MAX: variants seen among roughly 807,000 people sequenced by gnomAD.
MAX encodes MYC associated transcriptional regulator X.
MAX carries 3 observed loss-of-function variants against 22.3 expected under a neutral mutation model. The observed-to-expected ratio is 0.13, with a 90% CI of 0.06 to 0.35. The LOEUF is 0.35. MAX is among the 10% of genes least tolerant of loss of function. MAX has a pLI of 1.00. For missense variants in MAX, 119 were observed against 209.4 expected, an observed-to-expected ratio of 0.57 and a Z score of 2.66; for synonymous variants, 72 against 77.7, an observed-to-expected ratio of 0.93 and a Z score of 0.39.
intron 1 of MAX, among the ~76,000 whole-genome samples, 190 bp downstream of exon 1, chr14:65,102,114 C>T (rs911004344): frequency 2.6e-5 from 4 of 152,144 alleles, no homozygotes; most frequent in Non-Finnish European, 5.9e-5. Context: ...ACCTCCAGTC[C>T]CAGGAGGCCG....
chr14:65,044,189 G>C lies in MAX; in HGVS notation c.172-37905C>G, dbSNP rs1216375675. 2 of 1,537,810 alleles carry C rather than the reference G, an allele frequency of 1.3e-6. No individual in the cohort carries two copies. Among genetic ancestry groups the C allele is most frequent in the Non-Finnish European group, 1.8e-6 (2 of 1,129,386 alleles). On this transcript the variant is annotated intron_variant, in intron 3 of 3. Coordinates refer to the MAX transcript ENST00000341653. This position sits in a 1 kb window ranked among gnomAD's most constrained non-coding sequence, Gnocchi z 5.5. ...AAAGAAAACCAGAGCACCAAAACTA[G>C]AGTGCCAAGAAGCCACAAGATGGGA...
In MAX at chr14:65,040,271, ATATATATGTGTG is replaced by A. The variant is rs1253330203; in HGVS notation, c.172-33999_172-33988del. Among the ~76,000 whole-genome samples the A allele has an allele frequency of 7.3e-4, 108 of 148,636 alleles. 4 individuals are homozygous for A. In the South Asian group the frequency reaches 0.019, roughly 26 times the overall value. On this transcript the variant is annotated intron_variant, in intron 3 of 3. Transcript: ENST00000341653. ...ACTATATATATATGTATATATATGT[ATATATATGTGTG>A]TATATATATATATGTATATATATGT...
Position 65,102,512 on chromosome 14 carries a change from C to G in MAX, c.-173G>C, listed in dbSNP as rs1373866589. On this transcript the variant is annotated 5_prime_UTR_variant, in exon 1 of 5. Coordinates refer to ENST00000358664, the MANE Select transcript of MAX (RefSeq NM_002382.5). The stretch of plus-strand genomic sequence containing the variant: ...ACACAACACGGGCAAGAACCACCTC[C>G]TCACTGCAGCACCGGATCAACGGCG... The G allele has an allele frequency of 4.7e-6, 7 of 1,478,058 alleles. No individual in the cohort carries two copies. The South Asian group carries it at 6.8e-5, about 14-fold the overall frequency. The allele number at this position is 1,478,058 out of a possible 1,614,324, so 91.6% of individuals were successfully genotyped here.
At position 65,091,728 on chromosome 14, in the gene MAX, T is replaced by C. The variant is rs567553998; in HGVS notation, c.171+1980A>G. The stretch of plus-strand genomic sequence containing the variant: ...AATGTCACCTTGCCAGCAACACTCT[T>C]CTTCTCTGCCATAATTAAAATTGCA... On this transcript the variant is annotated intron_variant, in intron 3 of 4. Coordinates refer to ENST00000358664, the MANE Select transcript of MAX (RefSeq NM_002382.5). 94 of 152,416 alleles carry C rather than the reference T, an allele frequency of 6.2e-4. 1 individual carries two copies. Among genetic ancestry groups the C allele is most frequent in the African/African-American group, 2.2e-3 (92 of 41,590 alleles). The allele number at this position is 152,416 out of a possible 1,614,324, so 9.4% of individuals were successfully genotyped here.
intron 3 of MAX, among the ~76,000 whole-genome samples, chr14:65,035,482 T>C (rs776470020): frequency 2.0e-5 from 3 of 152,210 alleles, no homozygotes; most frequent in Non-Finnish European, 4.4e-5. Context: ...ATCCCAGTTT[T>C]GCCCTTTCTT....
In MAX at chr14:65,093,836, A is replaced by G. The variant is rs371646307; in HGVS notation, c.64-21T>C. 15 of 1,337,596 alleles carry G rather than the reference A, an allele frequency of 1.1e-5. No individual in the cohort carries two copies. Among genetic ancestry groups the G allele is most frequent in the Non-Finnish European group, 1.6e-5 (15 of 927,608 alleles). The allele number at this position is 1,337,596 out of a possible 1,614,324, so 82.9% of individuals were successfully genotyped here. A position where few individuals can be genotyped will look rare whatever the true frequency, so the allele number is the denominator to read the frequency against. On this transcript the variant is annotated intron_variant, in intron 2 of 4. Transcript: ENST00000358664. The surrounding 1 kb of genome is among the most constrained non-coding windows in gnomAD (Gnocchi z 4.4). ...TCAGCCTAGAAGAATGGGAGAAAGA[A>G]CACATTAGGAATGTCACTCCTTTTG...
rs1315093100 is a variant in MAX, at chr14:65,078,079, C to T, written c.172-43G>A. 6.2e-7 allele frequency: 1 copy of T among 1,613,784 alleles called. No homozygotes were observed. The highest frequency in any genetic ancestry group is 2.2e-5 in the East Asian group (1 of 44,894). Reference sequence around the variant, plus strand: ...AAAGCACAGGGGACAAAATAAAAACCCAATCCAGGCAGTGAGGGAACCTGG... The same window carrying T: ...AAAGCACAGGGGACAAAATAAAAACTCAATCCAGGCAGTGAGGGAACCTGG... On this transcript the variant is annotated intron_variant, in intron 3 of 4. Transcript: ENST00000358664. This position sits in a 1 kb window ranked among gnomAD's most constrained non-coding sequence, Gnocchi z 6.4.
At position 65,075,459 on chromosome 14, in the gene MAX, G is replaced by C. The variant is rs375343995; in HGVS notation, c.*1017C>G. 1 of 1,064,130 alleles carries C rather than the reference G, an allele frequency of 9.4e-7. No homozygotes were observed. The highest frequency in any genetic ancestry group is 1.1e-6 in the Non-Finnish European group (1 of 878,274). The allele number at this position is 1,064,130 out of a possible 1,614,324, so 65.9% of individuals were successfully genotyped here. Reference sequence around the variant, plus strand: ...CTGGGAAGGGTCCGCACTGGGGTGCGGGTTTAGTACCAGGTAAATTGCTCT... The same window carrying C: ...CTGGGAAGGGTCCGCACTGGGGTGCCGGTTTAGTACCAGGTAAATTGCTCT... On this transcript the variant is annotated 3_prime_UTR_variant, in exon 5 of 5. Transcript: ENST00000358664. The surrounding 1 kb of genome is among the most constrained non-coding windows in gnomAD (Gnocchi z 4.1).
rs189142573 is a variant in MAX at position 65,044,594 on chromosome 14, G to A, written c.172-38310C>T. The A allele has an allele frequency of 2.1e-5, 23 of 1,107,362 alleles. No individual in the cohort carries two copies. In the African/African-American group the frequency reaches 2.9e-4, roughly 14 times the overall value. The allele number at this position is 1,107,362 out of a possible 1,614,324, so 68.6% of individuals were successfully genotyped here. A position where few individuals can be genotyped will look rare whatever the true frequency, so the allele number is the denominator to read the frequency against. ...CCAGTGTGGAACCTCATGCCGTGGG[G>A]CATGCGAATGCAGAGTAAGATTTAG... is the stretch of plus-strand genomic sequence containing the variant. On this transcript the variant is annotated intron_variant, in intron 3 of 3. Coordinates refer to the MAX transcript ENST00000341653. This position sits in a 1 kb window ranked among gnomAD's most constrained non-coding sequence, Gnocchi z 5.5.
At chr14:65,083,989 G>A (rs2063260810) in intron 3 of MAX, 7 of 1,467,194 alleles carry the variant, frequency 4.8e-6, no homozygotes, top group Admixed American at 4.9e-5. Flanking sequence ...TGCCAGCAAA[G>A]GAGGCTGGAA....
intron 3 of MAX, among the ~76,000 whole-genome samples, chr14:65,045,375 CT>C (rs371277598): frequency 1.4e-4 from 21 of 151,812 alleles, no homozygotes; most frequent in African/African-American, 4.6e-4. Context: ...CCTCCCCATA[CT>C]TTTTTTTCCT....
intron 3 of MAX, chr14:65,015,495 A>G (rs892345621): frequency 2.0e-6 from 1 of 492,916 alleles, no homozygotes; most frequent in African/African-American, 2.3e-5. Context: ...TTATTCACTG[A>G]TTGTTGTTTG....
At chr14:65,067,182 C>CT (rs1820397007) in intron 3 of MAX, among the ~76,000 whole-genome samples, 1 of 128,758 alleles carries the variant, frequency 7.8e-6, no homozygotes. Context: ...AAGACCCTGT[C>CT]TTAAAAAAAA....
Position 65,039,938 on chromosome 14 carries a change from C to T in MAX, c.172-33654G>A, listed in dbSNP as rs2062307754. Among the ~76,000 whole-genome samples the T allele has an allele frequency of 2.0e-5, 3 of 152,132 alleles. No homozygotes were observed. In the South Asian group the frequency reaches 6.2e-4, roughly 32 times the overall value. ...GTGCGGTGGCCCATGCCTGTCATCC[C>T]AACGCTTTGGGATGCTGGGGTGGGA... On this transcript the variant is annotated intron_variant, in intron 3 of 3. Coordinates refer to the MAX transcript ENST00000341653.
chr14:65,022,940 G>C lies in MAX; in HGVS notation c.172-16656C>G, dbSNP rs187365831. Among the ~76,000 whole-genome samples, 288 of 152,000 alleles carry C rather than the reference G, an allele frequency of 1.9e-3. 1 individual carries two copies. The highest frequency in any genetic ancestry group is 8.3e-3 in the South Asian group (40 of 4,806). ...GTAATTCTTGCTATTTGTACCTGTT[G>C]CATTTGTTTTATTCTTATTGGTTTC... On this transcript the variant is annotated intron_variant, in intron 3 of 3. Coordinates refer to the MAX transcript ENST00000341653.
chr14:65,050,507 C>G (rs994152057), intron 3 of MAX, among the ~76,000 whole-genome samples: 16 of 152,246 alleles, frequency 1.1e-4, no homozygotes, highest in Admixed American at 7.9e-4. Context: ...AGGAGAATGA[C>G]TTGAACCTGG....
intron 3 of MAX, among the ~76,000 whole-genome samples, chr14:65,042,170 T>C (rs1164769634): frequency 6.6e-6 from 1 of 152,164 alleles, no homozygotes; most frequent in African/African-American, 2.4e-5. Flanking sequence ...GGAGATAATT[T>C]TTCCGTGGAC....
intron 3 of MAX, among the ~76,000 whole-genome samples, chr14:65,035,832 C>CTTTT (rs879845454): frequency 1.4e-5 from 2 of 144,730 alleles, no homozygotes; most frequent in Non-Finnish European, 3.0e-5. Flanking sequence ...CTGCGCCCAG[C>CTTTT]TTTTTTTTTT....
At chr14:65,061,523 C>T (rs959235881) in intron 3 of MAX, 2 of 793,256 alleles carry the variant, frequency 2.5e-6, no homozygotes, top group African/African-American at 1.7e-5. Context: ...ACCTGTCAAA[C>T]CAAAAATCTA....
Sources: gnomAD v4.1 joint callset for allele counts (sites outside exome capture counted in the v4.1 genomes callset) on GRCh38, gnomAD v4.1.1 for gene constraint, Gnocchi (gnomAD v3.1) non-coding constraint, MANE v1.5 for transcripts, NCBI Gene and HGNC (gene_info 2026-07-23, HGNC 2026-07-21) for gene names.